OXR1: variants seen among roughly 807,000 people sequenced by gnomAD.
OXR1 encodes oxidation resistance protein 1.
OXR1 carries 41 observed loss-of-function variants against 104.6 expected under a neutral mutation model. The observed-to-expected ratio is 0.39, with a 90% CI of 0.31 to 0.51. The LOEUF (loss-of-function observed/expected upper bound fraction) is 0.51, where lower values mean the gene tolerates loss of function less well. Ranked by LOEUF, OXR1 falls within the 20% of genes least tolerant of loss-of-function variation. The pLI, the probability that OXR1 is intolerant of heterozygous loss-of-function variation, is 0.77. For missense variants in OXR1, 955 were observed against 1,031.9 expected (o/e 0.93, Z 1.02); for synonymous variants, 348 against 348.4 (o/e 1.00, Z 0.01).
At chr8:106,541,850 A>C (rs1458399489) in intron 3 of OXR1, among the ~76,000 whole-genome samples, 1 of 152,220 alleles carries the variant, frequency 6.6e-6, no homozygotes, top group Non-Finnish European at 1.5e-5. Context: ...CATAAAATGA[A>C]GTAGGGATAA....
At chr8:106,715,333 C>T (rs1832127630) in intron 11 of OXR1, among the ~76,000 whole-genome samples, 3 of 150,762 alleles carry the variant, frequency 2.0e-5, no homozygotes, top group East Asian at 1.9e-4. Flanking sequence ...AACTTTATTG[C>T]GTTCTGGGGA....
chr8:106,278,349 G>A (rs941616847), intron 1 of OXR1, among the ~76,000 whole-genome samples: 3 of 152,118 alleles, frequency 2.0e-5, no homozygotes, highest in East Asian at 1.9e-4. Context: ...CTAACATCCC[G>A]TGATTTATTC....
intron 2 of OXR1, among the ~76,000 whole-genome samples, chr8:106,435,877 G>A (rs1193474322): frequency 2.0e-5 from 3 of 152,094 alleles, no homozygotes; most frequent in Non-Finnish European, 4.4e-5. Flanking sequence ...TTTATTGGAT[G>A]TTGTTGGTCA....
intron 2 of OXR1, among the ~76,000 whole-genome samples, chr8:106,408,821 A>C (rs1313747797): frequency 6.6e-6 from 1 of 152,120 alleles, no homozygotes; most frequent in East Asian, 1.9e-4. Flanking sequence ...GTGGCCAGAG[A>C]ACAGCAGCAA....
At chr8:106,498,287 A>G (rs1364244510) in intron 2 of OXR1, among the ~76,000 whole-genome samples, 1 of 152,234 alleles carries the variant, frequency 6.6e-6, no homozygotes, top group African/African-American at 2.4e-5. Context: ...TATTGCCTAG[A>G]TAATAAATCT....
chr8:106,449,148 C>CTTA (rs1465945281), intron 2 of OXR1, among the ~76,000 whole-genome samples: 1 of 152,072 alleles, frequency 6.6e-6, no homozygotes, highest in Admixed American at 6.6e-5. Context: ...TTTTGCCTGA[C>CTTA]TTATATTTTA....
intron 2 of OXR1, among the ~76,000 whole-genome samples, chr8:106,395,360 G>T (rs1229826573): frequency 6.6e-6 from 1 of 152,114 alleles, no homozygotes; most frequent in African/African-American, 2.4e-5. Context: ...AGTTTAGTTG[G>T]ACTTACAGTT....
chr8:106,667,344 C>G (rs1465826556), intron 3 of OXR1, among the ~76,000 whole-genome samples: 2 of 152,210 alleles, frequency 1.3e-5, no homozygotes, highest in Non-Finnish European at 2.9e-5. Flanking sequence ...CTCAATCAAA[C>G]TCTTGCTGAA....
At chr8:106,518,520 GA>G (rs1813018922) in intron 2 of OXR1, among the ~76,000 whole-genome samples, 1 of 152,148 alleles carries the variant, frequency 6.6e-6, no homozygotes, top group African/African-American at 2.4e-5. Context: ...AGATTAAGCA[GA>G]AAAACACTGG....
At chr8:106,302,988 C>T (rs947574034) in intron 1 of OXR1, among the ~76,000 whole-genome samples, 5 of 151,462 alleles carry the variant, frequency 3.3e-5, no homozygotes, top group Admixed American at 3.3e-4. Context: ...CTCCTGACCT[C>T]GTGATCCATC....
chr8:106,275,256 T>A (rs1811991017), intron 1 of OXR1, among the ~76,000 whole-genome samples: 1 of 152,236 alleles, frequency 6.6e-6, no homozygotes, highest in Non-Finnish European at 1.5e-5. Context: ...TCAGTTCTTG[T>A]CTCCCTTTTC....
intron 2 of OXR1, among the ~76,000 whole-genome samples, chr8:106,429,219 G>A (rs944727302): frequency 6.6e-6 from 1 of 152,076 alleles, no homozygotes; most frequent in African/African-American, 2.4e-5. Flanking sequence ...GCTGCTCTGA[G>A]TTGGCCCCCC....
intron 3 of OXR1, among the ~76,000 whole-genome samples, chr8:106,587,066 A>G (rs1282533623): frequency 6.6e-6 from 1 of 152,202 alleles, no homozygotes; most frequent in East Asian, 1.9e-4. Flanking sequence ...AGAAAGTAAC[A>G]GAGTATTTTT....
rs549807188 is a variant in OXR1, at chr8:106,388,863, T to A, written c.23+29227T>A. ...GGCTGGAAAGCTGATAGTATAAAAT[T>A]ATTTGAGCTTCAGTAGACGTCCTCT... On this transcript the variant is annotated intron_variant, in intron 2 of 16. Coordinates refer to ENST00000517566, the MANE Select transcript of OXR1 (RefSeq NM_001198533.2). Among the ~76,000 whole-genome samples, 3 of 152,342 alleles carry A rather than the reference T, an allele frequency of 2.0e-5. No individual in the cohort carries two copies. In the South Asian group the frequency reaches 6.2e-4, roughly 32 times the overall value.
chr8:106,714,481 CA>C (rs1832038875), intron 11 of OXR1, among the ~76,000 whole-genome samples: 1 of 151,868 alleles, frequency 6.6e-6, no homozygotes, highest in Non-Finnish European at 1.5e-5. Context: ...TTAAATTTTT[CA>C]ATAATAATTT....
intron 1 of OXR1, among the ~76,000 whole-genome samples, chr8:106,306,560 A>C (rs773968769): frequency 6.6e-6 from 1 of 152,298 alleles, no homozygotes; most frequent in African/African-American, 2.4e-5. Context: ...AAATTGTGGT[A>C]TATTCATAAA....
chr8:106,514,372 G>A (rs551684574), intron 2 of OXR1, among the ~76,000 whole-genome samples: 10 of 152,196 alleles, frequency 6.6e-5, no homozygotes, highest in Admixed American at 5.9e-4. Context: ...TTGTTAGCCA[G>A]TAATTCAATT....
intron 1 of OXR1, among the ~76,000 whole-genome samples, chr8:106,341,241 A>G (rs1001437669): frequency 6.6e-6 from 1 of 152,164 alleles, no homozygotes; most frequent in Admixed American, 6.5e-5. Context: ...TATCTAAAAC[A>G]ACAGTAAATG....
intron 1 of OXR1, among the ~76,000 whole-genome samples, chr8:106,281,206 G>T (rs1049607112): frequency 6.6e-6 from 1 of 152,158 alleles, no homozygotes; most frequent in Admixed American, 6.5e-5. Context: ...GGAAAAGCCA[G>T]CCCAAGGCCC....
Sources: allele counts gnomAD v4.1 joint callset (sites outside exome capture counted in the v4.1 genomes callset), GRCh38; gene constraint gnomAD v4.1.1; transcripts MANE v1.5; gene names NCBI Gene and HGNC (gene_info 2026-07-23, HGNC 2026-07-21).